The following CDH8 variants were observed in gnomAD, a reference collection of about 807,000 sequenced individuals.
The protein encoded by CDH8 is cadherin-8.
A neutral mutation model predicts 68.1 loss-of-function variants in CDH8; 17 were observed. The ratio of observed to expected loss-of-function variants is 0.25; its 90% CI spans 0.17 to 0.37. The LOEUF (loss-of-function observed/expected upper bound fraction) is 0.37. CDH8 is among the 10% of genes least tolerant of loss of function. The pLI is 1.00. For synonymous variants in CDH8, 372 were observed against 365.1 expected, an observed-to-expected ratio of 1.02 and a Z score of -0.21; for missense variants, 763 against 999.3, an observed-to-expected ratio of 0.76 and a Z score of 3.19.
chr16:61,679,658 CAT>C (rs1262138927), intron 10 of CDH8, among the ~76,000 whole-genome samples: 2 of 151,982 alleles, frequency 1.3e-5, no homozygotes, highest in African/African-American at 4.8e-5. Context: ...ATCTTCAAAT[CAT>C]ATGTTTGTCA....
rs61028306 is a variant in CDH8 at position 61,926,152 on chromosome 16, GGTGTGTGTGTGTGT to G, written c.253-24693_253-24680del. Among the ~76,000 whole-genome samples the G allele has an allele frequency of 4.9e-4, 70 of 142,212 alleles. 1 individual carries two copies. In the East Asian group the frequency reaches 7.6e-3, roughly 15 times the overall value. The allele number at this position is 142,212 out of a possible 152,430, so 93.3% of individuals were successfully genotyped here. On this transcript the variant is annotated intron_variant, in intron 2 of 11. Coordinates refer to ENST00000577390, the MANE Select transcript of CDH8 (RefSeq NM_001796.5). ...AAATGTTGATTTGGGACTCAGAAGGGGTGTGTGTGTGTGTGTGTGTGTGTGTGTGTGTGTGTGTG... is the reference window on the plus strand; with the variant it reads ...AAATGTTGATTTGGGACTCAGAAGGGGTGTGTGTGTGTGTGTGTGTGTGTG...
At position 61,817,601 on chromosome 16, in the gene CDH8, A is replaced by G. The variant is rs146631369; in HGVS notation, c.1155T>C (p.Ala385=). The G allele has an allele frequency of 1.5e-4, 246 of 1,613,952 alleles. No individual in the cohort carries two copies. Among genetic ancestry groups the G allele is most frequent in the Non-Finnish European group, 1.9e-4 (220 of 1,180,002 alleles). ...GTGAAGAGAAGACCGGAGGCTCATC[A>G]GCATCTTCAACCACGATTTTGACTG... ...TATVKIVVED[A]DEPPVFSSPT... is the part of the protein sequence containing the mutation. Residue 385 remains alanine (A), a synonymous_variant, in exon 7 of 12, where the codon GCT becomes GCC. Transcript: ENST00000577390.
chr16:61,773,128 G>A (rs1205476178), intron 8 of CDH8, among the ~76,000 whole-genome samples: 2 of 151,952 alleles, frequency 1.3e-5, no homozygotes, highest in Non-Finnish European at 1.5e-5. Context: ...ATCTTCAGAA[G>A]ATATTCTAAG....
intron 10 of CDH8, among the ~76,000 whole-genome samples, chr16:61,694,899 A>C (rs2142838101): frequency 6.6e-6 from 1 of 152,028 alleles, no homozygotes; most frequent in Non-Finnish European, 1.5e-5. Context: ...CTCCTGCCTC[A>C]GCCTCCCGAG....
At chr16:61,691,857 CT>C (rs2142831859) in intron 10 of CDH8, 1 of 152,202 alleles carries the variant, frequency 6.6e-6, no homozygotes, top group East Asian at 1.9e-4. Context: ...TTCCTGGCCA[CT>C]GTGATCAACT....
chr16:61,899,869 A>AG (rs531814352), intron 3 of CDH8, among the ~76,000 whole-genome samples: 52 of 107,266 alleles, frequency 4.8e-4, no homozygotes, highest in African/African-American at 1.7e-3. Context: ...CACACACACG[A>AG]GTATCTCACT....
chr16:61,735,448 T>C (rs1258517915), intron 8 of CDH8, among the ~76,000 whole-genome samples: 1 of 152,162 alleles, frequency 6.6e-6, no homozygotes, highest in Non-Finnish European at 1.5e-5. Flanking sequence ...GAAGGTTAAG[T>C]ACCCCATAAC....
chr16:61,798,437 A>T (rs969097712), intron 7 of CDH8, among the ~76,000 whole-genome samples: 3 of 152,220 alleles, frequency 2.0e-5, no homozygotes, highest in Non-Finnish European at 4.4e-5. Flanking sequence ...GTTATCCAGT[A>T]TGGTAACCAC....
rs200817608 is a variant in CDH8 at position 61,857,204 on chromosome 16, A to G, written c.582T>C (p.Ala194=). Residue 194 remains alanine (A), a synonymous_variant, in exon 4 of 12, where the codon GCT becomes GCC. Transcript: ENST00000577390. ...CACTGTTTCCATAAACTGGGTCATC[A>G]GCGTCGGTCGCAGTGACGTTAGTGA... ...TSVTNVTATD[A]DDPVYGNSAK... The G allele has an allele frequency of 1.7e-5, 27 of 1,613,134 alleles. No homozygotes were observed. In the East Asian group the frequency reaches 5.4e-4, roughly 32 times the overall value.
At chr16:61,958,036 C>A (rs1050665431) in intron 2 of CDH8, among the ~76,000 whole-genome samples, 1 of 152,106 alleles carries the variant, frequency 6.6e-6, no homozygotes, top group African/African-American at 2.4e-5. Context: ...TATTACAGGC[C>A]ATTCTAGGGA....
At chr16:62,026,351 C>T (rs1902198156) in intron 1 of CDH8, among the ~76,000 whole-genome samples, 1 of 152,188 alleles carries the variant, frequency 6.6e-6, no homozygotes, top group Non-Finnish European at 1.5e-5. Flanking sequence ...ATTTGAGATT[C>T]TGCATTTCTT....
At chr16:61,959,966 G>T (rs1965062623) in intron 2 of CDH8, among the ~76,000 whole-genome samples, 2 of 55,132 alleles carry the variant, frequency 3.6e-5, no homozygotes, top group African/African-American at 2.9e-4. Flanking sequence ...TCTGTATGTG[G>T]TGTATGTGTG....
At chr16:61,983,518 C>G (rs1440956644) in intron 2 of CDH8, among the ~76,000 whole-genome samples, 1 of 152,064 alleles carries the variant, frequency 6.6e-6, no homozygotes, top group Non-Finnish European at 1.5e-5. Flanking sequence ...CAAGATAATA[C>G]CAAATTGTTT....
intron 2 of CDH8, among the ~76,000 whole-genome samples, chr16:61,943,440 T>A (rs1597080807): frequency 6.6e-6 from 1 of 152,236 alleles, no homozygotes; most frequent in African/African-American, 2.4e-5. Context: ...GGGGATATAT[T>A]CTGTCCTTCT....
At chr16:61,745,913 A>T (rs112896163) in intron 8 of CDH8, among the ~76,000 whole-genome samples, 7 of 152,206 alleles carry the variant, frequency 4.6e-5, no homozygotes, top group African/African-American at 1.7e-4. Flanking sequence ...AAAATTTCAT[A>T]TAAAAGGTGT....
intron 8 of CDH8, among the ~76,000 whole-genome samples, chr16:61,747,543 C>T (rs1442279265): frequency 2.0e-5 from 3 of 151,944 alleles, no homozygotes; most frequent in African/African-American, 7.2e-5. Flanking sequence ...AGGGACAAAG[C>T]AACAAGCTTA....
At chr16:61,863,374 G>A (rs1178456986) in intron 3 of CDH8, among the ~76,000 whole-genome samples, 1 of 152,146 alleles carries the variant, frequency 6.6e-6, no homozygotes, top group Non-Finnish European at 1.5e-5. Context: ...CATCAAAGAT[G>A]CTACACTGTC....
Position 61,653,368 on chromosome 16 carries a change from C to T in CDH8, c.*240G>A. 1 of 1,260,954 alleles carries T rather than the reference C, an allele frequency of 7.9e-7. No homozygotes were observed. The highest frequency in any genetic ancestry group is 9.9e-7 in the Non-Finnish European group (1 of 1,006,020). The allele number at this position is 1,260,954 out of a possible 1,614,324, so 78.1% of individuals were successfully genotyped here. A position where few individuals can be genotyped will look rare whatever the true frequency, so the allele number is the denominator to read the frequency against. On this transcript the variant is annotated 3_prime_UTR_variant, in exon 12 of 12. Transcript: ENST00000577390. ...TGGTGGTCAGGTAAATATCAAATAT[C>T]CAAGGACTTCTAGACACTCCACATA...
chr16:61,995,100 G>A (rs1241268308), intron 2 of CDH8, among the ~76,000 whole-genome samples: 1 of 151,976 alleles, frequency 6.6e-6, no homozygotes. Context: ...GGTACTCGCA[G>A]GTAAAATTTT....
Sources: allele counts gnomAD v4.1 joint callset (sites outside exome capture counted in the v4.1 genomes callset), GRCh38; gene constraint gnomAD v4.1.1; transcripts MANE v1.5; gene names NCBI Gene and HGNC (gene_info 2026-07-23, HGNC 2026-07-21).